The following SNX29 variants were observed in gnomAD, a reference collection of about 807,000 sequenced individuals.
The protein encoded by SNX29 is sorting nexin-29.
A neutral mutation model predicts 102.1 loss-of-function variants in SNX29; 78 were observed. That is an observed-to-expected ratio of 0.76 (90% CI 0.64 to 0.92). SNX29 has a LOEUF of 0.92. Ranked by LOEUF, SNX29 falls within the 40% of genes least tolerant of loss-of-function variation. The probability of loss-of-function intolerance (pLI) is 0.00; values close to 1 mark genes in which losing one functional copy is unlikely to be tolerated. For synonymous variants in SNX29, 580 were observed against 414.5 expected (o/e 1.40, Z -4.85); for missense variants, 1,280 against 1,061.7 (o/e 1.21, Z -2.86).
intron 18 of SNX29, among the ~76,000 whole-genome samples, chr16:12,413,583 TC>T (rs56319042): frequency 0.46 from 70,152 of 151,462 alleles, 17,888 homozygotes; most frequent in Non-Finnish European, 0.58. Flanking sequence ...GACAGGGCCC[TC>T]GAGACAATGG....
chr16:12,526,895 T>G, intron 20 of SNX29: 1 of 394,752 alleles, frequency 2.5e-6, no homozygotes, highest in Non-Finnish European at 4.8e-6. Flanking sequence ...GACATGAATC[T>G]CAGCCATGCT....
Position 12,129,492 on chromosome 16 carries a change from A to T in SNX29, c.1467-138A>T, listed in dbSNP as rs577477471. The T allele has an allele frequency of 2.6e-6, 3 of 1,150,422 alleles. No individual in the cohort carries two copies. The African/African-American group carries it at 4.8e-5, about 18-fold the overall frequency. 71.3% of individuals were successfully genotyped at this position (1,150,422 alleles called of 1,614,324 possible). A position where few individuals can be genotyped will look rare whatever the true frequency, so the allele number is the denominator to read the frequency against. On this transcript the variant is annotated intron_variant, in intron 12 of 20. Coordinates refer to ENST00000566228, the MANE Select transcript of SNX29 (RefSeq NM_032167.5). ...GTTTGCTATCTCCAGTTCACATGAG[A>T]TAGACTTGAATTATGGTTTATGCAG...
chr16:12,399,880 C>T (rs1048983119), intron 17 of SNX29, among the ~76,000 whole-genome samples: 10 of 151,862 alleles, frequency 6.6e-5, no homozygotes, highest in Non-Finnish European at 1.3e-4. Context: ...CAGAGTCCGG[C>T]GGAGGGCAGC....
intron 20 of SNX29, among the ~76,000 whole-genome samples, chr16:12,566,660 T>TA (rs2079024050): frequency 6.6e-6 from 1 of 151,386 alleles, no homozygotes; most frequent in African/African-American, 2.4e-5. Context: ...AACCATCCTC[T>TA]AAGGAGCATT....
intron 15 of SNX29, among the ~76,000 whole-genome samples, chr16:12,350,322 C>A (rs1392618945): frequency 6.6e-6 from 1 of 152,112 alleles, no homozygotes; most frequent in East Asian, 1.9e-4. Flanking sequence ...TATGGTAGAA[C>A]AATTATTTAC....
Position 12,524,698 on chromosome 16 carries a change from T to C in SNX29, c.2179-4T>C, listed in dbSNP as rs760942006. 21 of 1,612,744 alleles carry C rather than the reference T, an allele frequency of 1.3e-5. No homozygotes were observed. The highest frequency in any genetic ancestry group is 1.8e-5 in the Non-Finnish European group (21 of 1,179,360). ...CAAAGCGAAGATGTTTTGTGTTTCC[T>C]CAGGATGCCAAGTTTGTGGAGGAAC... is the stretch of plus-strand genomic sequence containing the variant. On this transcript the variant is annotated splice_polypyrimidine_tract_variant and splice_region_variant and intron_variant, in intron 19 of 20. Transcript: ENST00000566228.
chr16:12,450,034 G>C (rs534619324), intron 18 of SNX29, among the ~76,000 whole-genome samples: 18 of 152,158 alleles, frequency 1.2e-4, no homozygotes, highest in Non-Finnish European at 2.5e-4. Flanking sequence ...TCTCAGGAGA[G>C]CTGATGGTTT....
intron 20 of SNX29, among the ~76,000 whole-genome samples, chr16:12,555,610 C>T (rs542272650): frequency 1.3e-5 from 2 of 151,918 alleles, no homozygotes; most frequent in Admixed American, 1.3e-4. Flanking sequence ...TGCCCTTAGT[C>T]CAGTGTGCAT....
At chr16:12,058,480 TTTTTTTGG>T in intron 8 of SNX29, among the ~76,000 whole-genome samples, 1 of 116,178 alleles carries the variant, frequency 8.6e-6, no homozygotes, top group African/African-American at 3.6e-5. Context: ...CTGGTGTTTT[TTTTTTTGG>T]TTTTTGGTTT....
chr16:12,230,282 T>C (rs2077730186), intron 14 of SNX29, among the ~76,000 whole-genome samples: 1 of 152,246 alleles, frequency 6.6e-6, no homozygotes, highest in South Asian at 2.1e-4. Flanking sequence ...ATTGTCTGAC[T>C]TCCCGTTTGG....
At chr16:12,135,741 A>G in intron 13 of SNX29, 1 of 624,094 alleles carries the variant, frequency 1.6e-6, no homozygotes, top group Non-Finnish European at 2.5e-6. Flanking sequence ...TCCTTGAGCC[A>G]TTTGTGGTGG....
At chr16:12,531,207 G>C (rs1489317027) in intron 20 of SNX29, among the ~76,000 whole-genome samples, 1 of 152,194 alleles carries the variant, frequency 6.6e-6, no homozygotes, top group Non-Finnish European at 1.5e-5. Flanking sequence ...CAAGAAGCAG[G>C]GAGCCCCAAG....
chr16:12,083,136 C>T (rs1416661011), intron 11 of SNX29, among the ~76,000 whole-genome samples: 1 of 151,968 alleles, frequency 6.6e-6, no homozygotes, highest in Non-Finnish European at 1.5e-5. Context: ...GAAACCCTGT[C>T]TCTACTAAAA....
rs201149598 is a variant in SNX29, at chr16:12,468,895, G to A, written c.2038-8824G>A. On this transcript the variant is annotated intron_variant, in intron 18 of 20. Transcript: ENST00000566228. ...ACAGGCAGTGTCAGCGGGGTGGGAA[G>A]GCTGGTCTTTGGGCACTTCCGGCCA... Among the ~76,000 whole-genome samples, 7 of 152,254 alleles carry A rather than the reference G, an allele frequency of 4.6e-5. No homozygotes were observed. In the East Asian group the frequency reaches 1.2e-3, roughly 25 times the overall value.
Position 12,570,188 on chromosome 16 carries a change from C to G in SNX29, c.*1559C>G, listed in dbSNP as rs1190224293. The G allele has an allele frequency of 1.9e-6, 2 of 1,065,346 alleles. No homozygotes were observed. The highest frequency in any genetic ancestry group is 4.1e-4 in the Middle Eastern group (1 of 2,418). 66.0% of individuals were successfully genotyped at this position (1,065,346 alleles called of 1,614,324 possible). A position where few individuals can be genotyped will look rare whatever the true frequency, so the allele number is the denominator to read the frequency against. On this transcript the variant is annotated 3_prime_UTR_variant, in exon 21 of 21. Transcript: ENST00000566228. ...CCCACCCCAGAGAAACCGAGTCAGC[C>G]TACATGACTTCCAAGGGGACCTGGG...
chr16:12,085,156 C>A (rs1349285845), intron 11 of SNX29, among the ~76,000 whole-genome samples: 1 of 152,130 alleles, frequency 6.6e-6, no homozygotes, highest in Non-Finnish European at 1.5e-5. Context: ...TGAAGTCACC[C>A]GCATGGCCAG....
intron 20 of SNX29, among the ~76,000 whole-genome samples, chr16:12,549,111 A>G (rs751352071): frequency 1.3e-5 from 2 of 152,214 alleles, no homozygotes; most frequent in Non-Finnish European, 2.9e-5. Context: ...TCTTGGGGAC[A>G]TAGCAGATGG....
Position 12,342,863 on chromosome 16 carries a change from C to G in SNX29, c.1783-13300C>G, listed in dbSNP as rs184702011. Among the ~76,000 whole-genome samples, 111 of 152,322 alleles carry G rather than the reference C, an allele frequency of 7.3e-4. 1 individual carries two copies. Among genetic ancestry groups the G allele is most frequent in the African/African-American group, 2.6e-3 (106 of 41,568 alleles). ...GCACAGTCTTCCCTCTGTCCAGGTG[C>G]TGGTGTTCATGAATTACTGCTTGGC... On this transcript the variant is annotated intron_variant, in intron 15 of 20. Coordinates refer to ENST00000566228, the MANE Select transcript of SNX29 (RefSeq NM_032167.5).
In SNX29 at chr16:12,570,594, C is replaced by G. The variant is rs747954187; in HGVS notation, c.*1965C>G. On this transcript the variant is annotated 3_prime_UTR_variant, in exon 21 of 21. Coordinates refer to ENST00000566228, the MANE Select transcript of SNX29 (RefSeq NM_032167.5). Reference sequence around the variant, plus strand: ...GTGCCTCCCTGGCCTGGGTAGCTACCCTGGAGGTCATCTCCCTGTTCTCTG... The same window carrying G: ...GTGCCTCCCTGGCCTGGGTAGCTACGCTGGAGGTCATCTCCCTGTTCTCTG... The G allele has an allele frequency of 1.3e-5, 3 of 232,016 alleles. No individual in the cohort carries two copies. The highest frequency in any genetic ancestry group is 2.6e-5 in the Non-Finnish European group (3 of 117,456). The allele number at this position is 232,016 out of a possible 1,614,324, so 14.4% of individuals were successfully genotyped here. A position where few individuals can be genotyped will look rare whatever the true frequency, so the allele number is the denominator to read the frequency against.
Sources: allele counts gnomAD v4.1 joint callset (sites outside exome capture counted in the v4.1 genomes callset), GRCh38; gene constraint gnomAD v4.1.1; transcripts MANE v1.5; gene names NCBI Gene and HGNC (gene_info 2026-07-23, HGNC 2026-07-21).